DCDC1: variants seen among roughly 807,000 people sequenced by gnomAD.
The protein encoded by DCDC1 is doublecortin domain-containing protein 1.
DCDC1 carries 200 observed loss-of-function variants against 178.3 expected under a neutral mutation model. The observed-to-expected ratio is 1.12, with a 90% CI of 1.00 to 1.26. The LOEUF (loss-of-function observed/expected upper bound fraction) is 1.26. DCDC1 is among the 50% of genes most tolerant of loss of function. The pLI, the probability that DCDC1 is intolerant of heterozygous loss-of-function variation, is 0.00. For synonymous variants in DCDC1, 690 were observed against 604.8 expected (o/e 1.14, Z -2.07); for missense variants, 1,983 against 1,749.2 (o/e 1.13, Z -2.38).
chr11:31,282,961 T>C (rs776076796), intron 7 of DCDC1, among the ~76,000 whole-genome samples: 1 of 152,214 alleles, frequency 6.6e-6, no homozygotes, highest in African/African-American at 2.4e-5. Context: ...TATTCTTACA[T>C]ATGTATCCCT....
At chr11:30,964,048 A>G (rs757070381) in intron 20 of DCDC1, among the ~76,000 whole-genome samples, 26 of 152,144 alleles carry the variant, frequency 1.7e-4, no homozygotes, top group Non-Finnish European at 3.5e-4. Context: ...AGGAAGCGTT[A>G]GCTCTTCAGA....
At chr11:31,049,311 T>G (rs1456306156) in intron 20 of DCDC1, among the ~76,000 whole-genome samples, 1 of 152,172 alleles carries the variant, frequency 6.6e-6, no homozygotes, top group African/African-American at 2.4e-5. Context: ...AGATTTTCAC[T>G]AGTGATGGCA....
chr11:31,113,700 T>G (rs1251967719), intron 11 of DCDC1, among the ~76,000 whole-genome samples: 1 of 152,082 alleles, frequency 6.6e-6, no homozygotes, highest in Non-Finnish European at 1.5e-5. Context: ...TGATGGACAT[T>G]TGGGCAGGGC....
chr11:30,895,704 T>A (rs1470420413), intron 34 of DCDC1, among the ~76,000 whole-genome samples: 1 of 152,128 alleles, frequency 6.6e-6, no homozygotes, highest in African/African-American at 2.4e-5. Context: ...GAAAACATAA[T>A]TGAATCAATC....
At chr11:31,119,629 T>C (rs1219286457) in intron 11 of DCDC1, among the ~76,000 whole-genome samples, 6 of 152,216 alleles carry the variant, frequency 3.9e-5, no homozygotes, top group Non-Finnish European at 7.3e-5. Context: ...GATTCCTAAA[T>C]ATTAAAATAA....
intron 9 of DCDC1, among the ~76,000 whole-genome samples, chr11:31,164,161 C>A (rs1966573400): frequency 2.0e-5 from 3 of 151,982 alleles, no homozygotes; most frequent in Non-Finnish European, 4.4e-5. Context: ...GAGGTTTTAG[C>A]CCAAAATCTG....
chr11:30,888,146 G>GAAAGAAAGAAAGAA (rs1565030380), intron 36 of DCDC1, among the ~76,000 whole-genome samples: 47 of 138,236 alleles, frequency 3.4e-4, no homozygotes, highest in East Asian at 2.9e-3. Context: ...AAGAAAGAAA[G>GAAAGAAAGAAAGAA]AAAGAAAGAA....
intron 18 of DCDC1, among the ~76,000 whole-genome samples, chr11:31,068,139 G>C (rs571268153): frequency 2.2e-4 from 34 of 151,920 alleles, no homozygotes; most frequent in Non-Finnish European, 3.4e-4. Context: ...GTCAAGAAGA[G>C]ATTATTTTAT....
Position 31,274,590 on chromosome 11 carries a change from C to T in DCDC1, c.961-8990G>A, listed in dbSNP as rs557679903. Among the ~76,000 whole-genome samples the T allele has an allele frequency of 4.0e-5, 6 of 151,518 alleles. No homozygotes were observed. The East Asian group carries it at 9.8e-4, about 25-fold the overall frequency. ...AGCAAGCAGGATGTATTCCAGGAAT[C>T]GAAAGGTCAGCATATGAAAGGGGAG... On this transcript the variant is annotated intron_variant, in intron 7 of 38. Coordinates refer to ENST00000684477, the MANE Select transcript of DCDC1 (RefSeq NM_001387274.1).
intron 8 of DCDC1, among the ~76,000 whole-genome samples, chr11:31,253,472 C>T (rs1457989399): frequency 2.0e-5 from 3 of 147,606 alleles, no homozygotes; most frequent in Non-Finnish European, 4.5e-5. Flanking sequence ...AAGTAAAAGA[C>T]AAAAAGTTAT....
At chr11:31,305,505 TTA>T in intron 6 of DCDC1, 108 bp downstream of exon 6, 1 of 1,379,646 alleles carries the variant, frequency 7.2e-7, no homozygotes, top group East Asian at 2.3e-5. Flanking sequence ...TGCGTAAACA[TTA>T]GTTTTGTTAA....
At chr11:31,008,921 T>A (rs1008211372) in intron 20 of DCDC1, among the ~76,000 whole-genome samples, 6 of 152,024 alleles carry the variant, frequency 3.9e-5, no homozygotes, top group Non-Finnish European at 8.8e-5. Flanking sequence ...GGAAAAATAA[T>A]CACAATGAAG....
chr11:30,985,265 A>G (rs773836064), intron 20 of DCDC1, among the ~76,000 whole-genome samples: 23 of 152,168 alleles, frequency 1.5e-4, no homozygotes, highest in Non-Finnish European at 2.2e-4. Context: ...TGATTTGACT[A>G]TCATGTGTGA....
intron 21 of DCDC1, among the ~76,000 whole-genome samples, chr11:30,937,722 A>G (rs1427827088): frequency 6.6e-6 from 1 of 151,970 alleles, no homozygotes; most frequent in Non-Finnish European, 1.5e-5. Flanking sequence ...CATTCCATCC[A>G]TCAATCTTCC....
intron 20 of DCDC1, among the ~76,000 whole-genome samples, chr11:31,008,852 GA>G (rs1030512510): frequency 1.3e-5 from 2 of 152,018 alleles, no homozygotes; most frequent in African/African-American, 2.4e-5. Flanking sequence ...TAAAATAAAT[GA>G]AAATAAAAAT....
intron 32 of DCDC1, among the ~76,000 whole-genome samples, chr11:30,903,267 G>C (rs776143453): frequency 6.6e-6 from 1 of 152,074 alleles, no homozygotes; most frequent in Non-Finnish European, 1.5e-5. Flanking sequence ...TATTGTTTCA[G>C]TGCTAAAATC....
intron 20 of DCDC1, among the ~76,000 whole-genome samples, chr11:31,027,486 T>A (rs376757690): frequency 6.6e-6 from 1 of 151,844 alleles, no homozygotes; most frequent in African/African-American, 2.4e-5. Context: ...TCAGAATGTA[T>A]ACCATAAACC....
At chr11:31,194,980 G>T (rs1041275474) in intron 9 of DCDC1, among the ~76,000 whole-genome samples, 1 of 151,942 alleles carries the variant, frequency 6.6e-6, no homozygotes, top group Non-Finnish European at 1.5e-5. Flanking sequence ...TTTCCCCTCC[G>T]GACATCTATC....
At chr11:31,034,165 T>TA (rs1335812065) in intron 20 of DCDC1, among the ~76,000 whole-genome samples, 1 of 150,784 alleles carries the variant, frequency 6.6e-6, no homozygotes, top group Non-Finnish European at 1.5e-5. Context: ...AAAAAACCTT[T>TA]AAAAATACAA....
Sources: allele counts gnomAD v4.1 joint callset (sites outside exome capture counted in the v4.1 genomes callset), GRCh38; gene constraint gnomAD v4.1.1; transcripts MANE v1.5; gene names NCBI Gene and HGNC (gene_info 2026-07-23, HGNC 2026-07-21).